RHOBTB3: variants seen among roughly 807,000 people sequenced by gnomAD.
RHOBTB3 encodes Rho related BTB domain containing 3, also known as rho-related BTB domain-containing protein 3.
Under a neutral mutation model 67.2 loss-of-function variants are expected in RHOBTB3, and 47 were observed. The observed-to-expected ratio is 0.70, with a 90% CI of 0.55 to 0.89. RHOBTB3 has a LOEUF of 0.89. Ranked by LOEUF, RHOBTB3 falls within the 40% of genes least tolerant of loss-of-function variation. RHOBTB3 has a pLI of 0.00. For missense variants in RHOBTB3, 631 were observed against 750.0 expected (o/e 0.84, Z 1.85); for synonymous variants, 273 against 274.2 (o/e 1.00, Z 0.04).
chr5:95,747,006 T>G (rs1424054133), intron 3 of RHOBTB3, among the ~76,000 whole-genome samples: 1 of 151,924 alleles, frequency 6.6e-6, no homozygotes, highest in African/African-American at 2.4e-5. Context: ...GATGGGGGAG[T>G]TGCTCAAATG....
chr5:95,770,934 G>GA (rs779732968), intron 8 of RHOBTB3, among the ~76,000 whole-genome samples: 2,881 of 143,464 alleles, frequency 0.02, 37 homozygotes, highest in African/African-American at 0.046. Flanking sequence ...TTGTATTTTT[G>GA]AAAAAAAAAA....
intron 1 of RHOBTB3, among the ~76,000 whole-genome samples, chr5:95,723,865 T>G (rs1429521107): frequency 6.6e-6 from 1 of 152,154 alleles, no homozygotes; most frequent in African/African-American, 2.4e-5. Flanking sequence ...GTCTCTGAAC[T>G]TTTTTGACCG....
intron 1 of RHOBTB3, among the ~76,000 whole-genome samples, chr5:95,724,802 A>G (rs1048601762): frequency 2.0e-5 from 3 of 152,060 alleles, no homozygotes; most frequent in Non-Finnish European, 2.9e-5. Flanking sequence ...AATAGAACCT[A>G]CTCCATAGGG....
upstream of RHOBTB3, among the ~76,000 whole-genome samples, chr5:95,730,578 G>T (rs1362929514): frequency 6.6e-6 from 1 of 152,092 alleles, no homozygotes; most frequent in Non-Finnish European, 1.5e-5. Flanking sequence ...TTAAATATGT[G>T]GCCATAACGT....
At position 95,764,340 on chromosome 5, in the gene RHOBTB3, A is replaced by G. The variant is rs533402152; in HGVS notation, c.1161+720A>G. ...CTCAAATAGTTTTTGAGAGGAAGGC[A>G]GTTTTGAATGTCCCTTTTTCAAGTG... On this transcript the variant is annotated intron_variant, in intron 7 of 11. Transcript: ENST00000379982. 2.6e-5 allele frequency among the ~76,000 whole-genome samples: 4 copies of G among 152,366 alleles called. No individual in the cohort carries two copies. The South Asian group carries it at 8.3e-4, about 32-fold the overall frequency.
intron 4 of RHOBTB3, among the ~76,000 whole-genome samples, chr5:95,748,806 C>A (rs531368507): frequency 1.5e-4 from 23 of 152,306 alleles, no homozygotes; most frequent in Non-Finnish European, 2.9e-4. Flanking sequence ...CATCTTTATA[C>A]AGCTGAATGA....
At chr5:95,718,915 T>C (rs1754774503) in intron 1 of RHOBTB3, among the ~76,000 whole-genome samples, 1 of 152,086 alleles carries the variant, frequency 6.6e-6, no homozygotes, top group Non-Finnish European at 1.5e-5. Context: ...GGAAACAGGG[T>C]AGAAGGCTGC....
chr5:95,754,305 A>G (rs1174221958), intron 5 of RHOBTB3, among the ~76,000 whole-genome samples: 13 of 152,132 alleles, frequency 8.5e-5, no homozygotes, highest in Non-Finnish European at 1.9e-4. Context: ...GTCTGGGTAC[A>G]TATTTGGGGC....
intron 8 of RHOBTB3, among the ~76,000 whole-genome samples, chr5:95,778,825 G>A (rs1003964511): frequency 6.6e-6 from 1 of 152,226 alleles, no homozygotes; most frequent in Non-Finnish European, 1.5e-5. Flanking sequence ...CTTCCCGGTG[G>A]AGGGACACTG....
intron 1 of RHOBTB3, among the ~76,000 whole-genome samples, chr5:95,721,077 A>C (rs1754856524): frequency 8.5e-5 from 13 of 152,224 alleles, no homozygotes; most frequent in Admixed American, 8.5e-4. Flanking sequence ...TTTTATATTA[A>C]ATCAATAAGG....
intron 7 of RHOBTB3, among the ~76,000 whole-genome samples, chr5:95,764,809 G>T (rs914422588): frequency 1.3e-5 from 2 of 151,534 alleles, no homozygotes; most frequent in African/African-American, 2.4e-5. Context: ...ATTCTTGATT[G>T]TTCTTTAGTT....
chr5:95,744,509 C>G (rs1209634750), intron 3 of RHOBTB3, among the ~76,000 whole-genome samples: 1 of 152,070 alleles, frequency 6.6e-6, no homozygotes, highest in Non-Finnish European at 1.5e-5. Flanking sequence ...GGTAGGTACT[C>G]ACTAAACGTT....
chr5:95,790,445 G>T (rs1389404681), intron 11 of RHOBTB3, among the ~76,000 whole-genome samples: 1 of 152,150 alleles, frequency 6.6e-6, no homozygotes, highest in Non-Finnish European at 1.5e-5. Flanking sequence ...TAGATATATG[G>T]TATATATGGA....
upstream of RHOBTB3, among the ~76,000 whole-genome samples, chr5:95,726,398 T>A (rs573556254): frequency 1.2e-3 from 178 of 152,352 alleles, no homozygotes; most frequent in African/African-American, 4.2e-3. Flanking sequence ...AGTACACTAC[T>A]TAAACATGCT....
chr5:95,780,311 A>G lies in RHOBTB3; in HGVS notation c.1342A>G (p.Met448Val). The G allele has an allele frequency of 6.2e-7, 1 of 1,614,006 alleles. No homozygotes were observed. Among genetic ancestry groups the G allele is most frequent in the East Asian group, 2.2e-5 (1 of 44,884 alleles). Reference protein sequence around the residue: ...LVARCEVMAAMFNGNYMEAKS... With the variant: ...LVARCEVMAAVFNGNYMEAKS... Reference sequence around the variant, plus strand: ...GGCCCGTTGTGAAGTGATGGCAGCCATGTTTAATGGTAATTACATGGAAGC... The same window carrying G: ...GGCCCGTTGTGAAGTGATGGCAGCCGTGTTTAATGGTAATTACATGGAAGC... Residue 448 changes from methionine (M) to valine (V), a missense_variant, in exon 9 of 12, where the codon ATG becomes GTG. By Grantham distance (21) the Met-to-Val change is conservative (BLOSUM62 1). Coordinates refer to ENST00000379982, the MANE Select transcript of RHOBTB3 (RefSeq NM_014899.4).
intron 1 of RHOBTB3, chr5:95,719,888 TAA>T (rs1754814360): frequency 6.6e-6 from 1 of 152,210 alleles, no homozygotes; most frequent in South Asian, 2.1e-4. Flanking sequence ...ATAGTTCTAA[TAA>T]AAGTGTTTAT....
In RHOBTB3 at chr5:95,745,368, G is replaced by A. The variant is rs961821814; in HGVS notation, c.416-2965G>A. Among the ~76,000 whole-genome samples, 20 of 151,814 alleles carry A rather than the reference G, an allele frequency of 1.3e-4. 1 individual carries two copies. The highest frequency in any genetic ancestry group is 4.2e-4 in the South Asian group (2 of 4,780). On this transcript the variant is annotated intron_variant, in intron 3 of 11. Transcript: ENST00000379982. ...CATACTTGGCTCTGAATAAATTTTC[G>A]GCTTATACTAAATATTGAATCTATC...
In RHOBTB3 at chr5:95,785,819, A is replaced by G. The variant is rs377268093; in HGVS notation, c.1623+1856A>G. ...AGTTTCTTTTTCCTTATCTTTTAGT[A>G]TCTTCTTAAATTGTTTATGTATAAG... On this transcript the variant is annotated intron_variant, in intron 10 of 11. Transcript: ENST00000379982. Among the ~76,000 whole-genome samples the G allele has an allele frequency of 2.2e-4, 34 of 152,092 alleles. 1 individual carries two copies. The highest frequency in any genetic ancestry group is 8.2e-4 in the African/African-American group (34 of 41,414).
At chr5:95,732,566 C>T (rs1279043446) in intron 2 of RHOBTB3, 2 of 189,998 alleles carry the variant, frequency 1.1e-5, no homozygotes, top group African/African-American at 4.7e-5. Flanking sequence ...AAGACAGGGA[C>T]TGGGAGTTAA....
Sources: gnomAD v4.1 joint callset for allele counts (sites outside exome capture counted in the v4.1 genomes callset) on GRCh38, gnomAD v4.1.1 for gene constraint, MANE v1.5 for transcripts, NCBI Gene and HGNC (gene_info 2026-07-23, HGNC 2026-07-21) for gene names.